Variants in MTUS2 observed in about 807,000 individuals in gnomAD.
MTUS2 encodes microtubule-associated tumor suppressor candidate 2.
MTUS2 carries 40 observed loss-of-function variants against 114.1 expected under a neutral mutation model. That is an observed-to-expected ratio of 0.35 (90% confidence interval 0.27 to 0.46). The LOEUF is 0.46. MTUS2 is among the 20% of genes least tolerant of loss of function. MTUS2 has a pLI of 1.00. For synonymous variants in MTUS2, 688 were observed against 672.0 expected, an observed-to-expected ratio of 1.02 and a Z score of -0.37; for missense variants, 1,679 against 1,705.4, an observed-to-expected ratio of 0.98 and a Z score of 0.27.
intron 1 of MTUS2, among the ~76,000 whole-genome samples, chr13:28,824,667 C>CTT (rs77109338): frequency 3.0e-4 from 42 of 141,014 alleles, no homozygotes; most frequent in African/African-American, 1.0e-3. Context: ...CAGTGTCTAG[C>CTT]TTTTTTTTTT....
At chr13:29,400,376 A>G (rs933437163) in intron 8 of MTUS2, among the ~76,000 whole-genome samples, 2 of 152,234 alleles carry the variant, frequency 1.3e-5, no homozygotes, top group East Asian at 1.9e-4. Flanking sequence ...AGAAATAAAG[A>G]TGAGACTTTG....
intron 9 of MTUS2, among the ~76,000 whole-genome samples, chr13:29,474,809 G>A (rs139157928): frequency 7.0e-4 from 106 of 152,156 alleles, no homozygotes; most frequent in African/African-American, 2.5e-3. Context: ...TGAAATTATT[G>A]TATTAAAAGA....
At chr13:29,099,485 C>T (rs1890319147) in intron 4 of MTUS2, among the ~76,000 whole-genome samples, 3 of 120,030 alleles carry the variant, frequency 2.5e-5, no homozygotes, top group Non-Finnish European at 3.5e-5. Context: ...CCATTTAGAC[C>T]CAGTGTATCA....
intron 8 of MTUS2, among the ~76,000 whole-genome samples, chr13:29,380,050 C>T (rs1311609737): frequency 1.3e-5 from 2 of 152,200 alleles, no homozygotes; most frequent in African/African-American, 4.8e-5. Context: ...GTGAGACAGT[C>T]TTGCAGATGG....
intron 4 of MTUS2, 80 bp from the exon 5 acceptor site, chr13:29,100,692 GT>G: frequency 1.4e-6 from 2 of 1,449,058 alleles, no homozygotes. Context: ...ATAGAACTGG[GT>G]TCGAATTCAT....
At chr13:28,938,148 G>T (rs1217419757) in intron 2 of MTUS2, among the ~76,000 whole-genome samples, 1 of 152,184 alleles carries the variant, frequency 6.6e-6, no homozygotes, top group African/African-American at 2.4e-5. Flanking sequence ...ACTTTGGGAG[G>T]CCAAGGCGAG....
At chr13:29,366,831 T>A (rs77218019) in intron 8 of MTUS2, among the ~76,000 whole-genome samples, 112,590 of 151,648 alleles carry the variant, frequency 0.74, 42,010 homozygotes, top group East Asian at 0.83. Flanking sequence ...TCCTTTGGCG[T>A]CTGGTTTCTA....
intron 10 of MTUS2, among the ~76,000 whole-genome samples, chr13:29,486,730 G>A (rs914657559): frequency 2.6e-5 from 4 of 152,186 alleles, no homozygotes; most frequent in African/African-American, 9.7e-5. Context: ...AAATGGAAGG[G>A]GAAGTTTTGT....
At chr13:29,425,677 A>G (rs1221381058) in intron 8 of MTUS2, among the ~76,000 whole-genome samples, 6 of 152,170 alleles carry the variant, frequency 3.9e-5, no homozygotes, top group Non-Finnish European at 8.8e-5. Flanking sequence ...TTTTTATAAC[A>G]TGTAAAGAAA....
chr13:29,392,714 G>T (rs1873605628), intron 8 of MTUS2, among the ~76,000 whole-genome samples: 1 of 152,172 alleles, frequency 6.6e-6, no homozygotes, highest in South Asian at 2.1e-4. Context: ...TATAGAGAGA[G>T]AAAGAACAAG....
intron 2 of MTUS2, among the ~76,000 whole-genome samples, chr13:28,990,029 A>G (rs1457261522): frequency 6.6e-6 from 1 of 152,108 alleles, no homozygotes; most frequent in African/African-American, 2.4e-5. Flanking sequence ...AGGTAGTGGA[A>G]TCTTCGGCTG....
At position 29,442,446 on chromosome 13, in the gene MTUS2, G is replaced by A. The variant is rs145826984; in HGVS notation, c.3184+2397G>A. Among the ~76,000 whole-genome samples the A allele has an allele frequency of 9.9e-5, 15 of 152,256 alleles. No homozygotes were observed. In the East Asian group the frequency reaches 1.9e-3, roughly 20 times the overall value. ...TGCTTGTGATTGGGCCCCACACAAC[G>A]TCTCAGACCTTGGCATCTGATTGGA... On this transcript the variant is annotated intron_variant, in intron 9 of 15. Coordinates refer to ENST00000612955, the MANE Select transcript of MTUS2 (RefSeq NM_001033602.4).
At chr13:28,938,895 T>G (rs907246597) in intron 2 of MTUS2, among the ~76,000 whole-genome samples, 3 of 152,184 alleles carry the variant, frequency 2.0e-5, no homozygotes, top group Admixed American at 6.5e-5. Context: ...CGTTTAATAC[T>G]GTGCTTTTCA....
chr13:28,878,496 A>G (rs186395596), intron 2 of MTUS2, among the ~76,000 whole-genome samples: 3 of 152,068 alleles, frequency 2.0e-5, no homozygotes, highest in Admixed American at 2.0e-4. Flanking sequence ...CCACCACTGT[A>G]CTTATAGGCC....
chr13:29,134,455 G>A (rs1891890874), intron 5 of MTUS2, among the ~76,000 whole-genome samples: 1 of 152,114 alleles, frequency 6.6e-6, no homozygotes, highest in African/African-American at 2.4e-5. Flanking sequence ...AGGTTATTAA[G>A]AATGGGGTAT....
intron 4 of MTUS2, among the ~76,000 whole-genome samples, chr13:29,098,067 C>G (rs1938695526): frequency 6.6e-6 from 1 of 152,128 alleles, no homozygotes; most frequent in African/African-American, 2.4e-5. Flanking sequence ...CCAGGGACCA[C>G]CTGAATCAGA....
At chr13:29,238,268 G>A (rs907019671) in intron 5 of MTUS2, among the ~76,000 whole-genome samples, 8 of 152,192 alleles carry the variant, frequency 5.3e-5, no homozygotes, top group Non-Finnish European at 1.0e-4. Flanking sequence ...ATGCATTAGG[G>A]TTCTCTAGAG....
chr13:28,886,773 A>G (rs1361786100), intron 2 of MTUS2, among the ~76,000 whole-genome samples: 1 of 152,246 alleles, frequency 6.6e-6, no homozygotes, highest in African/African-American at 2.4e-5. Context: ...TACAAAGTAC[A>G]CGACGTTTAT....
At chr13:28,996,127 A>G (rs1295733800) in intron 2 of MTUS2, among the ~76,000 whole-genome samples, 6 of 152,192 alleles carry the variant, frequency 3.9e-5, no homozygotes, top group Admixed American at 6.5e-5. Context: ...AATTTTGTCA[A>G]AGGCCTTTTC....
Sources: allele counts gnomAD v4.1 joint callset (sites outside exome capture counted in the v4.1 genomes callset), GRCh38; gene constraint gnomAD v4.1.1; transcripts MANE v1.5; gene names NCBI Gene and HGNC (gene_info 2026-07-23, HGNC 2026-07-21).